The following NBPF12 variants were observed in gnomAD, a reference collection of about 807,000 sequenced individuals.
NBPF12 encodes NBPF member 12, also known as NBPF family member NBPF12.
Under a neutral mutation model 146.4 loss-of-function variants are expected in NBPF12, and 115 were observed. The ratio of observed to expected loss-of-function variants is 0.79; its 90% CI spans 0.68 to 0.92. NBPF12 has a LOEUF of 0.92. Ranked by LOEUF, NBPF12 falls within the 40% of genes least tolerant of loss-of-function variation. The pLI is 0.00. For missense variants in NBPF12, 1,205 were observed against 1,326.8 expected, an observed-to-expected ratio of 0.91 and a Z score of 1.43; for synonymous variants, 385 against 508.9, an observed-to-expected ratio of 0.76 and a Z score of 3.28.
chr1:146,940,825 T>C (rs1469017912), intron 1 of NBPF12, among the ~76,000 whole-genome samples: 15 of 152,110 alleles, frequency 9.9e-5, no homozygotes, highest in Non-Finnish European at 2.2e-4. Context: ...GGTGCAGTAA[T>C]ATATCAATGC....
chr1:146,962,052 C>G, intron 4 of NBPF12, 109 bp from the exon 8 acceptor site: 1 of 906,848 alleles, frequency 1.1e-6, no homozygotes, highest in South Asian at 1.4e-5. Flanking sequence ...GACCCTGGTA[C>G]TGGGGAGAGT....
At chr1:146,954,389 C>CAA (rs1170420550) in intron 2 of NBPF12, among the ~76,000 whole-genome samples, 177 of 24,020 alleles carry the variant, frequency 7.4e-3, no homozygotes, top group South Asian at 0.019. Flanking sequence ...GACTCTGTCT[C>CAA]AAAAAAAAAA....
At chr1:146,971,979 T>C (rs1385679229) in intron 13 of NBPF12, among the ~76,000 whole-genome samples, 1 of 149,032 alleles carries the variant, frequency 6.7e-6, no homozygotes, top group Non-Finnish European at 1.5e-5. Flanking sequence ...TCTCAGCTAC[T>C]TGGGAGGCTG....
At chr1:146,954,816 T>C (rs1272965389) in intron 2 of NBPF12, among the ~76,000 whole-genome samples, 3 of 145,952 alleles carry the variant, frequency 2.1e-5, no homozygotes, top group African/African-American at 7.6e-5. Flanking sequence ...GAAGAGAGAA[T>C]CCAGAAATAG....
exon 13 of NBPF12, chr1:146,971,250 T>A (rs1281037056): frequency 2.7e-5 from 44 of 1,612,222 alleles, no homozygotes; most frequent in African/African-American, 4.1e-5. Flanking sequence ...CATCACTTGT[T>A]CAAATAGCCA....
At chr1:146,976,258 C>A (rs1348865086) in intron 16 of NBPF12, among the ~76,000 whole-genome samples, 3 of 151,634 alleles carry the variant, frequency 2.0e-5, no homozygotes, top group African/African-American at 7.3e-5. Context: ...TAGTAACTGT[C>A]GGTGAGTGAA....
rs1277266020 is a variant in NBPF12, at chr1:146,968,060, TA to T, written c.989-387del. ...AGGGAAACCATCAGTCCCATAGTCC[TA>T]GGGGCCTTCCCGACTGTACAAGAAA... is the stretch of plus-strand genomic sequence containing the variant. On this transcript the variant is annotated intron_variant, in intron 9 of 33. Coordinates refer to ENST00000617844, the Ensembl canonical transcript of NBPF12. Among the ~76,000 whole-genome samples the T allele has an allele frequency of 8.1e-4, 121 of 149,854 alleles. 1 individual carries two copies. Among genetic ancestry groups the T allele is most frequent in the African/African-American group, 2.6e-3 (104 of 40,496 alleles).
At chr1:146,976,621 G>T (rs1263689754) in intron 16 of NBPF12, among the ~76,000 whole-genome samples, 3 of 150,444 alleles carry the variant, frequency 2.0e-5, no homozygotes, top group Non-Finnish European at 1.5e-5. Context: ...CTGGGAATCA[G>T]ATCTGGCAGG....
exon 8 of NBPF12, chr1:146,965,043 T>G: frequency 6.2e-6 from 10 of 1,608,632 alleles, no homozygotes; most frequent in Non-Finnish European, 8.5e-6. Context: ...TCAACTCAAC[T>G]GTGGTTGTAG....
chr1:146,944,196 G>A (rs1198726914), intron 2 of NBPF12, among the ~76,000 whole-genome samples: 1 of 129,382 alleles, frequency 7.7e-6, no homozygotes, highest in Non-Finnish European at 1.6e-5. Flanking sequence ...ACCTTGTGGT[G>A]GACGCCTTCT....
exon 34 of NBPF12, chr1:146,994,531 A>C (rs781973640): frequency 2.5e-6 from 4 of 1,609,686 alleles, no homozygotes; most frequent in Non-Finnish European, 8.5e-7. Context: ...GACGGTGACA[A>C]GTCTCCACCT....
In NBPF12 at chr1:146,971,178, A is replaced by G; in HGVS notation, c.1380-5A>G. On this transcript the variant is annotated splice_polypyrimidine_tract_variant and splice_region_variant and intron_variant, in intron 12 of 33. Coordinates refer to ENST00000617844, the Ensembl canonical transcript of NBPF12. ...CTGTCATCTCTGTCCCACCTGGCTC[A>G]TCAGGGAGATGCAGAAGGCTGAAGA... The G allele has an allele frequency of 6.2e-7, 1 of 1,611,210 alleles. No homozygotes were observed. Among genetic ancestry groups the G allele is most frequent in the Non-Finnish European group, 8.5e-7 (1 of 1,179,710 alleles).
chr1:146,962,413 G>A (rs1409509468), intron 5 of NBPF12, 150 bp downstream of exon 8: 4 of 666,274 alleles, frequency 6.0e-6, no homozygotes, highest in Non-Finnish European at 8.0e-6. Context: ...ATTTATCAGA[G>A]AACAAGGATA....
chr1:146,986,065 G>C (rs1657736974), intron 23 of NBPF12, among the ~76,000 whole-genome samples: 1 of 151,926 alleles, frequency 6.6e-6, no homozygotes, highest in South Asian at 2.1e-4. Flanking sequence ...TGTGTCCCGA[G>C]GGCACTAAAT....
rs1657646215 is a variant in NBPF12, at chr1:146,984,788, T to C, written c.2667-25T>C. Reference sequence around the variant, plus strand: ...TGGTTTCTGATTCCCCCTGGCTTATTCTTTACTTTTTCCCACTTTTCCAGG... The same window carrying C: ...TGGTTTCTGATTCCCCCTGGCTTATCCTTTACTTTTTCCCACTTTTCCAGG... On this transcript the variant is annotated intron_variant, in intron 21 of 33. Coordinates refer to ENST00000617844, the Ensembl canonical transcript of NBPF12. The C allele has an allele frequency of 1.5e-5, 19 of 1,250,190 alleles. No homozygotes were observed. The South Asian group carries it at 2.1e-4, about 14-fold the overall frequency. 77.4% of individuals were successfully genotyped at this position (1,250,190 alleles called of 1,614,324 possible).
chr1:146,945,316 G>GTGGGTGCCAC, upstream of NBPF12, among the ~76,000 whole-genome samples: 1 of 150,940 alleles, frequency 6.6e-6, no homozygotes, highest in Non-Finnish European at 1.5e-5. Context: ...CCTCTGATTT[G>GTGGGTGCCAC]TGGGTGCCAC....
upstream of NBPF12, among the ~76,000 whole-genome samples, chr1:146,938,391 C>A (rs1393679295): frequency 3.9e-5 from 6 of 152,098 alleles, no homozygotes; most frequent in African/African-American, 1.5e-4. Context: ...TCGCTCCAGG[C>A]TTCCGAGGGG....
At chr1:146,961,031 C>T (rs1655814574) in intron 4 of NBPF12, among the ~76,000 whole-genome samples, 2 of 151,948 alleles carry the variant, frequency 1.3e-5, no homozygotes, top group African/African-American at 2.4e-5. Flanking sequence ...CTGTAATCAC[C>T]ACTAATCGGG....
chr1:146,952,178 C>T (rs1257051808), intron 2 of NBPF12: 2 of 151,872 alleles, frequency 1.3e-5, no homozygotes, highest in African/African-American at 4.8e-5. Flanking sequence ...AAATAAACTC[C>T]CATCAGCTTT....
Sources: gnomAD v4.1 joint callset for allele counts (sites outside exome capture counted in the v4.1 genomes callset) on GRCh38, gnomAD v4.1.1 for gene constraint, MANE v1.5 for transcripts, NCBI Gene and HGNC (gene_info 2026-07-23, HGNC 2026-07-21) for gene names.